SGIP1: variants seen among roughly 807,000 people sequenced by gnomAD.
SGIP1 encodes the protein SH3GL interacting endocytic adaptor 1, also known as SH3-containing GRB2-like protein 3-interacting protein 1.
A neutral mutation model predicts 107.5 loss-of-function variants in SGIP1; 38 were observed. The ratio of observed to expected loss-of-function variants is 0.35; its 90% CI spans 0.27 to 0.46. SGIP1 has a LOEUF of 0.46. Among genes scored for constraint, SGIP1 ranks in the 20% least tolerant of loss-of-function variants. The pLI is 1.00. For synonymous variants in SGIP1, 365 were observed against 366.1 expected (o/e 1.00, Z 0.03); for missense variants, 929 against 1,019.5 (o/e 0.91, Z 1.21).
chr1:66,678,456 G>A (rs1358515100), intron 13 of SGIP1, among the ~76,000 whole-genome samples: 1 of 152,136 alleles, frequency 6.6e-6, no homozygotes, highest in African/African-American at 2.4e-5. Context: ...TAGCTTATTA[G>A]GCTTTTACAG....
chr1:66,567,681 T>C (rs566424513), intron 1 of SGIP1, among the ~76,000 whole-genome samples: 1 of 152,316 alleles, frequency 6.6e-6, no homozygotes, highest in South Asian at 2.1e-4. Context: ...AATTTTTGTA[T>C]AAGGTGTAAG....
intron 18 of SGIP1, among the ~76,000 whole-genome samples, chr1:66,708,478 A>G (rs1173067206): frequency 6.6e-6 from 1 of 152,148 alleles, no homozygotes; most frequent in East Asian, 1.9e-4. Context: ...AATCAATTTG[A>G]GCAAGTGTAC....
intron 1 of SGIP1, among the ~76,000 whole-genome samples, chr1:66,562,163 C>A (rs1170352708): frequency 3.9e-5 from 6 of 151,926 alleles, no homozygotes; most frequent in Non-Finnish European, 4.4e-5. Context: ...GCTAAGTACC[C>A]AGCAGAGTGC....
chr1:66,667,800 A>AGT (rs1243468671), intron 9 of SGIP1, among the ~76,000 whole-genome samples: 1 of 151,948 alleles, frequency 6.6e-6, no homozygotes, highest in Non-Finnish European at 1.5e-5. Context: ...AAATATATGG[A>AGT]GTGTGTGTGT....
At chr1:66,620,350 C>T (rs1015933657) in intron 1 of SGIP1, among the ~76,000 whole-genome samples, 7 of 152,072 alleles carry the variant, frequency 4.6e-5, no homozygotes, top group Non-Finnish European at 1.0e-4. Context: ...TCTTGACCTG[C>T]AATCTATCAT....
intron 1 of SGIP1, among the ~76,000 whole-genome samples, chr1:66,614,603 C>T (rs2068752546): frequency 6.6e-6 from 1 of 151,988 alleles, no homozygotes; most frequent in South Asian, 2.1e-4. Flanking sequence ...TTCATATTTA[C>T]ATACATAATT....
chr1:66,660,007 A>G lies in SGIP1; in HGVS notation c.460-506A>G, dbSNP rs1420158733. ...GAAAGAAAGAAAGAAAGACAGACAGACAGACAGACAGGAAGGAAGGAAGGA... is the reference window on the plus strand; with the variant it reads ...GAAAGAAAGAAAGAAAGACAGACAGGCAGACAGACAGGAAGGAAGGAAGGA... On this transcript the variant is annotated intron_variant, in intron 7 of 24. Transcript: ENST00000371037. 8.8e-3 allele frequency: 451 copies of G among 51,308 alleles called. 64 individuals carry two copies. Among genetic ancestry groups the G allele is most frequent in the African/African-American group, 0.052 (364 of 7,052 alleles). The allele number at this position is 51,308 out of a possible 1,614,324, so 3.2% of individuals were successfully genotyped here.
intron 1 of SGIP1, among the ~76,000 whole-genome samples, chr1:66,618,753 C>A (rs1173784752): frequency 4.6e-5 from 7 of 152,324 alleles, no homozygotes; most frequent in Admixed American, 4.6e-4. Context: ...CTTTCCCTCA[C>A]CCCTAGTGAT....
At position 66,682,169 on chromosome 1, in the gene SGIP1, C is replaced by T. The variant is rs559963198; in HGVS notation, c.1115C>T (p.Ser372Leu). The T allele has an allele frequency of 2.3e-5, 37 of 1,614,218 alleles. No individual in the cohort carries two copies. The highest frequency in any genetic ancestry group is 2.7e-5 in the Non-Finnish European group (32 of 1,180,046). ...GPPGPPRNVL[S>L]PLNLEEVQKK... is the part of the protein sequence containing the mutation. ...CCTGGGCCTCCTCGCAATGTACTAT[C>T]GCCGCTCAATTTAGAAGAAGTCCAG... The change falls in exon 15 of 25, where the codon TCG becomes TTG. Residue 372 changes from serine (S) to leucine (L), a missense_variant. Ser to Leu is a moderately radical substitution (Grantham distance 145). Coordinates refer to ENST00000371037, the MANE Select transcript of SGIP1 (RefSeq NM_032291.4).
chr1:66,691,021 G>A (rs1189646685), intron 17 of SGIP1, among the ~76,000 whole-genome samples: 1 of 152,088 alleles, frequency 6.6e-6, no homozygotes, highest in Non-Finnish European at 1.5e-5. Flanking sequence ...TTCCAAAGCT[G>A]GTCTCTCTCT....
chr1:66,568,831 T>C (rs1009659418), intron 1 of SGIP1, among the ~76,000 whole-genome samples: 7 of 151,896 alleles, frequency 4.6e-5, no homozygotes, highest in Non-Finnish European at 4.4e-5. Flanking sequence ...TTCATGTTAA[T>C]AACTCTCAAT....
intron 1 of SGIP1, among the ~76,000 whole-genome samples, chr1:66,555,620 C>T (rs1364363266): frequency 3.3e-5 from 5 of 152,124 alleles, no homozygotes; most frequent in Admixed American, 6.5e-5. Flanking sequence ...ATTTTCTAAA[C>T]CCCAATGGCA....
rs375005164 is a variant in SGIP1, at chr1:66,750,021, C to G, written c.*6926C>G. On this transcript the variant is annotated 3_prime_UTR_variant, in exon 25 of 25. Transcript: ENST00000371037. ...TCTCTCTCTCTCTCTCTCTCTTTCT[C>G]TGTGTGTGTGTGGGGGTGTGTGTGT... Among the ~76,000 whole-genome samples the G allele has an allele frequency of 5.1e-5, 7 of 137,736 alleles. No individual in the cohort carries two copies. The highest frequency in any genetic ancestry group is 2.3e-4 in the Admixed American group (3 of 13,266). The allele number at this position is 137,736 out of a possible 152,430, so 90.4% of individuals were successfully genotyped here. A position where few individuals can be genotyped will look rare whatever the true frequency, so the allele number is the denominator to read the frequency against.
intron 16 of SGIP1, 59 bp downstream of exon 16, chr1:66,689,334 C>A: frequency 6.3e-7 from 1 of 1,577,034 alleles, no homozygotes; most frequent in Non-Finnish European, 8.6e-7. Flanking sequence ...ACAGAAGCTC[C>A]AAATGCCTTC....
At chr1:66,584,382 G>A (rs1557971317) in intron 1 of SGIP1, among the ~76,000 whole-genome samples, 1 of 151,970 alleles carries the variant, frequency 6.6e-6, no homozygotes, top group Non-Finnish European at 1.5e-5. Flanking sequence ...CTTTAAGTTG[G>A]AAAGGACTTC....
chr1:66,603,538 C>G (rs1324267286), intron 1 of SGIP1, among the ~76,000 whole-genome samples: 1 of 152,076 alleles, frequency 6.6e-6, no homozygotes, highest in Non-Finnish European at 1.5e-5. Context: ...GATACAGCAT[C>G]AGAAATATAA....
intron 1 of SGIP1, among the ~76,000 whole-genome samples, chr1:66,611,001 G>A (rs1448795587): frequency 6.6e-6 from 1 of 151,986 alleles, no homozygotes; most frequent in Non-Finnish European, 1.5e-5. Context: ...TGGGAGGGGG[G>A]TGAGGGATAA....
chr1:66,585,570 T>TGTGTG (rs2062475351), intron 1 of SGIP1, among the ~76,000 whole-genome samples: 1 of 149,952 alleles, frequency 6.7e-6, no homozygotes, highest in Non-Finnish European at 1.5e-5. Flanking sequence ...GCTTTGGAGT[T>TGTGTG]TGTGTGTGTG....
At chr1:66,661,209 C>G (rs1355821589) in intron 8 of SGIP1, among the ~76,000 whole-genome samples, 1 of 152,152 alleles carries the variant, frequency 6.6e-6, no homozygotes, top group Admixed American at 6.5e-5. Flanking sequence ...TTCTTGGTTG[C>G]CTGGTTTGTT....
Sources: allele counts gnomAD v4.1 joint callset (sites outside exome capture counted in the v4.1 genomes callset), GRCh38; gene constraint gnomAD v4.1.1; transcripts MANE v1.5; gene names NCBI Gene and HGNC (gene_info 2026-07-23, HGNC 2026-07-21).